NRG2: variants seen among roughly 807,000 people sequenced by gnomAD.
NRG2 encodes neuregulin 2.
In NRG2, 27 loss-of-function variants were observed where a neutral mutation model predicts 73.9. That is an observed-to-expected ratio of 0.37 (90% CI 0.27 to 0.50). The LOEUF (loss-of-function observed/expected upper bound fraction) is 0.50, where lower values mean the gene tolerates loss of function less well. Ranked by LOEUF, NRG2 falls within the 20% of genes least tolerant of loss-of-function variation. The pLI, the probability that NRG2 is intolerant of heterozygous loss-of-function variation, is 0.96. For synonymous variants in NRG2, 532 were observed against 541.0 expected, an observed-to-expected ratio of 0.98 and a Z score of 0.23; for missense variants, 1,126 against 1,210.1, an observed-to-expected ratio of 0.93 and a Z score of 1.03.
chr5:139,891,413 G>A (rs1387533800), intron 1 of NRG2, among the ~76,000 whole-genome samples: 1 of 152,222 alleles, frequency 6.6e-6, no homozygotes, highest in Admixed American at 6.5e-5. Context: ...CATCTAGTGA[G>A]AACCTTGTGT....
chr5:139,892,844 TG>T (rs766660108), intron 1 of NRG2, among the ~76,000 whole-genome samples: 9 of 152,200 alleles, frequency 5.9e-5, no homozygotes, highest in Non-Finnish European at 1.0e-4. Flanking sequence ...GGCAGCAAGC[TG>T]ATGGACTACT....
At chr5:139,951,552 G>A (rs987828240) in intron 1 of NRG2, among the ~76,000 whole-genome samples, 14 of 150,984 alleles carry the variant, frequency 9.3e-5, no homozygotes, top group African/African-American at 3.5e-4. Context: ...GGAACGATGA[G>A]CTAACAATAG....
chr5:140,031,240 A>G (rs919551211), intron 1 of NRG2, among the ~76,000 whole-genome samples: 1 of 152,234 alleles, frequency 6.6e-6, no homozygotes, highest in Non-Finnish European at 1.5e-5. Flanking sequence ...AGGCCTAAGC[A>G]GAAAGGAAGG....
chr5:139,949,435 AT>A (rs1754030072), intron 1 of NRG2, among the ~76,000 whole-genome samples: 1 of 152,318 alleles, frequency 6.6e-6, no homozygotes, highest in East Asian at 1.9e-4. Context: ...CTTTAAGGGA[AT>A]TTTTAACTAA....
rs1052840898 is a variant in NRG2 at position 139,856,230 on chromosome 5, A to G, written c.1190-452T>C. 1.8e-4 allele frequency: 32 copies of G among 180,968 alleles called. No individual in the cohort carries two copies. Among genetic ancestry groups the G allele is most frequent in the Admixed American group, 1.5e-3 (29 of 18,762 alleles). 11.2% of individuals were successfully genotyped at this position (180,968 alleles called of 1,614,324 possible). On this transcript the variant is annotated intron_variant, in intron 5 of 9. Coordinates refer to ENST00000361474, the MANE Select transcript of NRG2 (RefSeq NM_004883.3). The surrounding 1 kb of genome is among the most constrained non-coding windows in gnomAD (Gnocchi z 4.2). ...TGTTCTTCCTGGCAGTGATCATGGG[A>G]ATGCCTTTGTTTACCCCTGCAGCCT...
intron 1 of NRG2, among the ~76,000 whole-genome samples, chr5:139,975,578 C>T (rs1228038595): frequency 3.9e-5 from 6 of 152,194 alleles, no homozygotes; most frequent in Admixed American, 2.6e-4. Context: ...CAGTCCTGCT[C>T]ACTTCCTTAG....
At chr5:139,934,001 T>C (rs991461353) in intron 1 of NRG2, among the ~76,000 whole-genome samples, 1 of 152,108 alleles carries the variant, frequency 6.6e-6, no homozygotes, top group African/African-American at 2.4e-5. Flanking sequence ...GAGTTTGAGA[T>C]CAGCCTGGAA....
At chr5:139,867,804 G>GTA (rs1561638951) in intron 4 of NRG2, among the ~76,000 whole-genome samples, 144 of 117,404 alleles carry the variant, frequency 1.2e-3, no homozygotes, top group East Asian at 2.6e-3. Context: ...GTGTATGAGT[G>GTA]TGTGTGTGTG....
chr5:140,032,517 A>T (rs1761230838), intron 1 of NRG2, among the ~76,000 whole-genome samples: 2 of 152,242 alleles, frequency 1.3e-5, no homozygotes, highest in African/African-American at 4.8e-5. Flanking sequence ...CTGGGCTGTC[A>T]TTTGATGAAT....
At position 139,852,693 on chromosome 5, in the gene NRG2, T is replaced by C. The variant is rs1297039409; in HGVS notation, c.1417-134A>G. The C allele has an allele frequency of 6.2e-6, 9 of 1,442,682 alleles. No homozygotes were observed. In the South Asian group the frequency reaches 6.7e-5, roughly 11 times the overall value. The allele number at this position is 1,442,682 out of a possible 1,614,324, so 89.4% of individuals were successfully genotyped here. A position where few individuals can be genotyped will look rare whatever the true frequency, so the allele number is the denominator to read the frequency against. On this transcript the variant is annotated intron_variant, in intron 7 of 9. Coordinates refer to ENST00000361474, the MANE Select transcript of NRG2 (RefSeq NM_004883.3). The surrounding 1 kb of genome is among the most constrained non-coding windows in gnomAD (Gnocchi z 4.4). The stretch of plus-strand genomic sequence containing the variant: ...CCCACTGTGTGAGAGTGACTTGATG[T>C]TGGGGCAGCGATGGCTCCAGCAAAT...
intron 1 of NRG2, among the ~76,000 whole-genome samples, chr5:140,033,814 A>C (rs79633216): frequency 6.9e-4 from 105 of 152,310 alleles, no homozygotes; most frequent in African/African-American, 2.4e-3. Context: ...CAATCAAGTG[A>C]TATGTTAATT....
chr5:139,889,784 G>T (rs1561658451), intron 1 of NRG2, among the ~76,000 whole-genome samples: 1 of 152,144 alleles, frequency 6.6e-6, no homozygotes, highest in Non-Finnish European at 1.5e-5. Flanking sequence ...TTTGCTACTT[G>T]TTAGATTTGT....
At position 139,852,315 on chromosome 5, in the gene NRG2, C is replaced by T. The variant is rs953609943; in HGVS notation, c.1544+117G>A. On this transcript the variant is annotated intron_variant, in intron 8 of 9. Transcript: ENST00000361474. The surrounding 1 kb of genome is among the most constrained non-coding windows in gnomAD (Gnocchi z 4.4). ...GAGGAGGCTAAGGTGTGCTGTGATT[C>T]CTGTGGCAAGCTCAGGGGAGGGTAT... The T allele has an allele frequency of 3.0e-6, 4 of 1,314,520 alleles. No individual in the cohort carries two copies. The African/African-American group carries it at 4.4e-5, about 15-fold the overall frequency. The allele number at this position is 1,314,520 out of a possible 1,614,324, so 81.4% of individuals were successfully genotyped here.
chr5:139,964,780 A>G (rs1755361969), intron 1 of NRG2, among the ~76,000 whole-genome samples: 1 of 152,182 alleles, frequency 6.6e-6, no homozygotes, highest in Non-Finnish European at 1.5e-5. Flanking sequence ...AAGTCCAGAG[A>G]GAGGGAGGGC....
chr5:139,975,118 A>G (rs1756287216), intron 1 of NRG2, among the ~76,000 whole-genome samples: 1 of 152,156 alleles, frequency 6.6e-6, no homozygotes, highest in African/African-American at 2.4e-5. Context: ...ACCCCCAATA[A>G]TATCGCGATG....
intron 1 of NRG2, among the ~76,000 whole-genome samples, chr5:139,962,412 G>T (rs1480977027): frequency 1.3e-5 from 2 of 152,232 alleles, no homozygotes; most frequent in African/African-American, 4.8e-5. Flanking sequence ...GCTTGGAGAA[G>T]ACTGAGGAGA....
At chr5:139,934,323 A>G (rs1398667192) in intron 1 of NRG2, among the ~76,000 whole-genome samples, 2 of 152,384 alleles carry the variant, frequency 1.3e-5, no homozygotes, top group East Asian at 3.9e-4. Flanking sequence ...TATAACATAC[A>G]GAAGTAAAAT....
intron 1 of NRG2, among the ~76,000 whole-genome samples, chr5:139,959,231 G>C (rs896071232): frequency 1.3e-5 from 2 of 152,158 alleles, no homozygotes; most frequent in African/African-American, 4.8e-5. Flanking sequence ...ACGGAGTCTT[G>C]CTCTGTCGCC....
intron 1 of NRG2, among the ~76,000 whole-genome samples, chr5:139,930,052 G>A (rs1752350365): frequency 6.6e-6 from 1 of 152,186 alleles, no homozygotes; most frequent in African/African-American, 2.4e-5. Context: ...GGGGGCTTCT[G>A]TACCAAGATT....
Sources: gnomAD v4.1 joint callset for allele counts (sites outside exome capture counted in the v4.1 genomes callset) on GRCh38, gnomAD v4.1.1 for gene constraint, Gnocchi (gnomAD v3.1) non-coding constraint, MANE v1.5 for transcripts, NCBI Gene and HGNC (gene_info 2026-07-23, HGNC 2026-07-21) for gene names.